The following RIMS4 variants were observed in gnomAD, a reference collection of about 807,000 sequenced individuals.
RIMS4 encodes regulating synaptic membrane exocytosis protein 4.
Under a neutral mutation model 29.0 loss-of-function variants are expected in RIMS4, and 9 were observed. The ratio of observed to expected loss-of-function variants is 0.31; its 90% CI spans 0.19 to 0.54. The LOEUF is 0.54. Ranked by LOEUF, RIMS4 falls within the 20% of genes least tolerant of loss-of-function variation. The pLI is 0.94. For synonymous variants in RIMS4, 130 were observed against 152.9 expected, an observed-to-expected ratio of 0.85 and a Z score of 1.10; for missense variants, 193 against 365.7, an observed-to-expected ratio of 0.53 and a Z score of 3.85.
intron 1 of RIMS4, among the ~76,000 whole-genome samples, chr20:44,800,294 A>T (rs1348275040): frequency 6.6e-6 from 1 of 152,140 alleles, no homozygotes; most frequent in Non-Finnish European, 1.5e-5. Flanking sequence ...ATAGCTGAGT[A>T]GAAGGGAGAT....
At chr20:44,775,106 C>G (rs1208167945) in intron 1 of RIMS4, among the ~76,000 whole-genome samples, 1 of 152,194 alleles carries the variant, frequency 6.6e-6, no homozygotes, top group Non-Finnish European at 1.5e-5. Context: ...ATTGAACACC[C>G]TTTTGTGAGG....
At chr20:44,776,348 C>G (rs925270416) in intron 1 of RIMS4, among the ~76,000 whole-genome samples, 16 of 152,176 alleles carry the variant, frequency 1.1e-4, no homozygotes, top group Non-Finnish European at 1.8e-4. Flanking sequence ...ACCCAGGCAT[C>G]CAAGACTCTC....
chr20:44,801,174 A>C (rs1388557795), intron 1 of RIMS4, among the ~76,000 whole-genome samples: 1 of 152,174 alleles, frequency 6.6e-6, no homozygotes, highest in East Asian at 1.9e-4. Context: ...GGGCCTCCCA[A>C]GTCCGCTCAT....
chr20:44,771,202 GGTTGCT>G (rs1481447027), intron 2 of RIMS4, 67 bp downstream of exon 2: 3 of 1,530,836 alleles, frequency 2.0e-6, no homozygotes, highest in Non-Finnish European at 2.7e-6. Flanking sequence ...CTCCCAGAGG[GGTTGCT>G]CAGTCCCTCC....
intron 1 of RIMS4, among the ~76,000 whole-genome samples, chr20:44,783,906 A>T (rs1231432405): frequency 6.6e-6 from 1 of 152,208 alleles, no homozygotes; most frequent in Non-Finnish European, 1.5e-5. Flanking sequence ...TGGTTGCACA[A>T]CTCTGTGAAT....
chr20:44,766,341 G>A (rs1468863705), intron 2 of RIMS4, among the ~76,000 whole-genome samples: 1 of 152,198 alleles, frequency 6.6e-6, no homozygotes, highest in Non-Finnish European at 1.5e-5. Flanking sequence ...GAGTCAGAGG[G>A]TGAAGGGGGA....
chr20:44,779,090 T>C (rs1402226676), intron 1 of RIMS4, among the ~76,000 whole-genome samples: 1 of 152,218 alleles, frequency 6.6e-6, no homozygotes, highest in Admixed American at 6.5e-5. Flanking sequence ...TACATTTCCA[T>C]TTCCCTAGTG....
chr20:44,757,006 A>G lies in RIMS4; in HGVS notation c.483T>C (p.Asn161=). ...AAYIKAYLLE[N]GICIAKKKTK... is the part of the protein sequence containing the mutation. ...TCTTCTTCTTGGCAATGCAGATGCC[A>G]TTCTCTAGCAGGTAGGCCTTGATGT... Residue 161 remains asparagine (N), a synonymous_variant, in exon 5 of 6, where the codon AAT becomes AAC. Coordinates refer to ENST00000372851, the MANE Select transcript of RIMS4 (RefSeq NM_182970.4). 3 of 1,614,016 alleles carry G rather than the reference A, an allele frequency of 1.9e-6. No homozygotes were observed. In the South Asian group the frequency reaches 3.3e-5, roughly 18 times the overall value.
In RIMS4 at chr20:44,752,634, G is replaced by C. The variant is rs532956935; in HGVS notation, c.*3500C>G. 1.3e-5 allele frequency: 2 copies of C among 152,538 alleles called. No homozygotes were observed. Among genetic ancestry groups the C allele is most frequent in the East Asian group, 3.9e-4 (2 of 5,188 alleles). The allele number at this position is 152,538 out of a possible 1,614,324, so 9.4% of individuals were successfully genotyped here. On this transcript the variant is annotated 3_prime_UTR_variant, in exon 6 of 6. Coordinates refer to ENST00000372851, the MANE Select transcript of RIMS4 (RefSeq NM_182970.4). Reference sequence around the variant, plus strand: ...CAGGGGCTCTTGTGAGGGCCGAAGGGCACACTCGAGATAAAAGCATTCTGA... The same window carrying C: ...CAGGGGCTCTTGTGAGGGCCGAAGGCCACACTCGAGATAAAAGCATTCTGA...
chr20:44,794,346 G>A (rs867697145), intron 1 of RIMS4, among the ~76,000 whole-genome samples: 2 of 152,174 alleles, frequency 1.3e-5, no homozygotes, highest in African/African-American at 2.4e-5. Context: ...GGCCTTTTCT[G>A]GGGCTGGAGA....
intron 1 of RIMS4, among the ~76,000 whole-genome samples, chr20:44,790,088 C>T (rs376980649): frequency 2.6e-5 from 4 of 152,238 alleles, no homozygotes; most frequent in East Asian, 3.8e-4. Context: ...ACATCAGAAT[C>T]GCCTGGGAGC....
Position 44,755,130 on chromosome 20 carries a change from A to G in RIMS4, c.*1004T>C, listed in dbSNP as rs2066053360. 6.6e-6 allele frequency: 1 copy of G among 152,560 alleles called. No individual in the cohort carries two copies. The highest frequency in any genetic ancestry group is 1.9e-4 in the East Asian group (1 of 5,192). 9.5% of individuals were successfully genotyped at this position (152,560 alleles called of 1,614,324 possible). ...ATAGGATGTTTTTTTTAAAAAGACT[A>G]AAATAGGGGGGCTCTATTTGCCTCC... On this transcript the variant is annotated 3_prime_UTR_variant, in exon 6 of 6. Coordinates refer to ENST00000372851, the MANE Select transcript of RIMS4 (RefSeq NM_182970.4).
intron 1 of RIMS4, among the ~76,000 whole-genome samples, 167 bp downstream of exon 1, chr20:44,810,008 G>A (rs2066316454): frequency 6.6e-6 from 1 of 151,542 alleles, no homozygotes; most frequent in South Asian, 2.1e-4. Flanking sequence ...AGGCCAGAAG[G>A]TAGCGCATCC....
At chr20:44,763,462 T>C (rs2145447201) in intron 2 of RIMS4, among the ~76,000 whole-genome samples, 1 of 152,352 alleles carries the variant, frequency 6.6e-6, no homozygotes, top group South Asian at 2.1e-4. Flanking sequence ...TTTCATGGCA[T>C]TTCAGATTCT....
chr20:44,782,761 A>G (rs1378522536), intron 1 of RIMS4, among the ~76,000 whole-genome samples: 3 of 152,196 alleles, frequency 2.0e-5, no homozygotes, highest in African/African-American at 7.2e-5. Context: ...TTTAAAAGAA[A>G]AGGAAGGGAA....
chr20:44,792,662 C>T (rs1312806239), intron 1 of RIMS4, among the ~76,000 whole-genome samples: 1 of 152,128 alleles, frequency 6.6e-6, no homozygotes, highest in Non-Finnish European at 1.5e-5. Context: ...TCCTCATCTG[C>T]ACAATGGGTA....
chr20:44,809,680 C>T (rs1276569225), intron 1 of RIMS4, among the ~76,000 whole-genome samples: 1 of 152,146 alleles, frequency 6.6e-6, no homozygotes, highest in Admixed American at 6.5e-5. Context: ...AATGGGGGCG[C>T]TCAAGGCCTG....
chr20:44,757,950 G>T, intron 3 of RIMS4, 122 bp downstream of exon 3: 1 of 935,932 alleles, frequency 1.1e-6, no homozygotes, highest in Non-Finnish European at 1.7e-6. Context: ...TGTGCCCTGG[G>T]CTCTAGGCGG....
Position 44,793,925 on chromosome 20 carries a change from T to C in RIMS4, c.97+16250A>G, listed in dbSNP as rs1316280195. Among the ~76,000 whole-genome samples, 3 of 152,044 alleles carry C rather than the reference T, an allele frequency of 2.0e-5. No homozygotes were observed. The East Asian group carries it at 5.8e-4, about 29-fold the overall frequency. On this transcript the variant is annotated intron_variant, in intron 1 of 5. Coordinates refer to ENST00000372851, the MANE Select transcript of RIMS4 (RefSeq NM_182970.4). Reference sequence around the variant, plus strand: ...TCTCTACAAAAAAAATAAAATTAGCTGGGCAGGCTGGCATGTACCTGTAGT... The same window carrying C: ...TCTCTACAAAAAAAATAAAATTAGCCGGGCAGGCTGGCATGTACCTGTAGT...
Sources: gnomAD v4.1 joint callset for allele counts (sites outside exome capture counted in the v4.1 genomes callset) on GRCh38, gnomAD v4.1.1 for gene constraint, MANE v1.5 for transcripts, NCBI Gene and HGNC (gene_info 2026-07-23, HGNC 2026-07-21) for gene names.